The following TDRD7 variants were observed in gnomAD, a reference collection of about 807,000 sequenced individuals.
The protein encoded by TDRD7 is tudor domain-containing protein 7.
TDRD7 carries 47 observed loss-of-function variants against 109.8 expected under a neutral mutation model. The ratio of observed to expected loss-of-function variants is 0.43; its 90% CI spans 0.34 to 0.55. The LOEUF (loss-of-function observed/expected upper bound fraction) is 0.55. TDRD7 is among the 20% of genes least tolerant of loss of function. The pLI, the probability that TDRD7 is intolerant of heterozygous loss-of-function variation, is 0.03. For missense variants in TDRD7, 1,164 were observed against 1,319.2 expected (o/e 0.88, Z 1.82); for synonymous variants, 424 against 457.3 (o/e 0.93, Z 0.93).
Position 97,460,210 on chromosome 9 carries a change from A to T in TDRD7, c.888A>T (p.Leu296Phe). 1 of 1,614,224 alleles carries T rather than the reference A, an allele frequency of 6.2e-7. No individual in the cohort carries two copies. Among genetic ancestry groups the T allele is most frequent in the Non-Finnish European group, 8.5e-7 (1 of 1,180,028 alleles). ...VEKPCSGGQD[L>F]LLYPAKRKQL... ...AACCTTGCAGTGGTGGCCAAGATTT[A>T]CTTCTTTATCCAGCTAAGAGAAAGC... is the stretch of plus-strand genomic sequence containing the variant. The change falls in exon 7 of 17, where the codon TTA becomes TTT. Residue 296 changes from leucine to phenylalanine, a missense_variant. Transcript: ENST00000355295.
intron 1 of TDRD7, among the ~76,000 whole-genome samples, chr9:97,415,275 G>A (rs62557474): frequency 0.072 from 10,964 of 152,214 alleles, 627 homozygotes; most frequent in African/African-American, 0.16. Context: ...GAAAAGAGAA[G>A]GCATAGGATG....
chr9:97,464,777 G>A (rs759444402), intron 7 of TDRD7, 65 bp from the exon 8 acceptor site: 7 of 1,588,098 alleles, frequency 4.4e-6, no homozygotes, highest in Non-Finnish European at 4.3e-6. Context: ...GGACAAAAAC[G>A]AATTCCTATT....
At chr9:97,477,349 T>G (rs1186180625) in intron 12 of TDRD7, among the ~76,000 whole-genome samples, 2 of 152,190 alleles carry the variant, frequency 1.3e-5, no homozygotes, top group African/African-American at 4.8e-5. Flanking sequence ...GGATCCCACA[T>G]TGTCTTTAGT....
chr9:97,482,970 A>C lies in TDRD7; in HGVS notation c.2534A>C (p.Gln845Pro), dbSNP rs745517020. 5 of 1,614,244 alleles carry C rather than the reference A, an allele frequency of 3.1e-6. No individual in the cohort carries two copies. The highest frequency in any genetic ancestry group is 4.2e-6 in the Non-Finnish European group (5 of 1,180,042). ...QITNADLWKH[Q>P]KDVFLSAISS... ...ACAAATGCAGACTTGTGGAAGCATC[A>C]GAAGGATGTGTTTTTGAGTGCCATA... Residue 845 changes from glutamine to proline, a missense_variant, in exon 15 of 17, where the codon CAG becomes CCG. Transcript: ENST00000355295.
intron 6 of TDRD7, among the ~76,000 whole-genome samples, chr9:97,452,675 A>G (rs1441770639): frequency 6.6e-6 from 1 of 152,244 alleles, no homozygotes; most frequent in Non-Finnish European, 1.5e-5. Context: ...AATTCACTTT[A>G]TAGGCTGACT....
intron 7 of TDRD7, among the ~76,000 whole-genome samples, chr9:97,461,140 C>CAAA (rs753213087): frequency 2.2e-5 from 2 of 89,032 alleles, no homozygotes; most frequent in East Asian, 2.8e-4. Flanking sequence ...GACTCCATCT[C>CAAA]AAAAAAAAAA....
At position 97,460,286 on chromosome 9, in the gene TDRD7, C is replaced by A. The variant is rs1208977680; in HGVS notation, c.964C>A (p.Pro322Thr). The change falls in exon 7 of 17, where the codon CCT becomes ACT. Residue 322 changes from proline to threonine, a missense_variant. By Grantham distance (38) the Pro-to-Thr change is conservative (BLOSUM62 -1). Coordinates refer to ENST00000355295, the MANE Select transcript of TDRD7 (RefSeq NM_014290.3). Reference protein sequence around the residue: ...DTEKVPLSPLPGPKQTPPLKG... With the variant: ...DTEKVPLSPLTGPKQTPPLKG... ...TGAGAAAGTACCTCTATCCCCACTA[C>A]CTGGTCCCAAACAAACACCACCGTT... is the stretch of plus-strand genomic sequence containing the variant. 6.2e-7 allele frequency: 1 copy of A among 1,614,096 alleles called. No individual in the cohort carries two copies. The highest frequency in any genetic ancestry group is 8.5e-7 in the Non-Finnish European group (1 of 1,180,048).
chr9:97,462,820 C>G (rs1828749035), intron 7 of TDRD7, among the ~76,000 whole-genome samples: 1 of 152,208 alleles, frequency 6.6e-6, no homozygotes, highest in African/African-American at 2.4e-5. Flanking sequence ...GTGCAGCCCT[C>G]CTTCTCTCCT....
rs1828800798 is a variant in TDRD7 at position 97,465,153 on chromosome 9, G to T, written c.1629+125G>T. On this transcript the variant is annotated intron_variant, in intron 8 of 16. Coordinates refer to ENST00000355295, the MANE Select transcript of TDRD7 (RefSeq NM_014290.3). ...CCTATAATTAAATGTAGTTTTCAATGGAAGTTGAAAAGATAATATCTGTAA... is the reference window on the plus strand; with the variant it reads ...CCTATAATTAAATGTAGTTTTCAATTGAAGTTGAAAAGATAATATCTGTAA... 6.6e-6 allele frequency: 8 copies of T among 1,218,536 alleles called. No homozygotes were observed. The Admixed American group carries it at 1.8e-4, about 27-fold the overall frequency. The allele number at this position is 1,218,536 out of a possible 1,614,324, so 75.5% of individuals were successfully genotyped here. A position where few individuals can be genotyped will look rare whatever the true frequency, so the allele number is the denominator to read the frequency against.
intron 10 of TDRD7, 89 bp downstream of exon 10, chr9:97,472,584 A>T: frequency 9.2e-7 from 1 of 1,092,536 alleles, no homozygotes; most frequent in Non-Finnish European, 1.4e-6. Context: ...CTAACAATTG[A>T]TAGAGACAGA....
Position 97,495,870 on chromosome 9 carries a change from C to G in TDRD7, c.3284C>G (p.Ser1095Ter). 1.2e-6 allele frequency: 2 copies of G among 1,613,932 alleles called. No individual in the cohort carries two copies. The highest frequency in any genetic ancestry group is 1.1e-5 in the South Asian group (1 of 91,074). ...ATGTCAGAGTATCTGATAGAGCTTT[C>G]AAAAGTTAATTAATGACTGCCTCTG... ...DFMSEYLIEL[S>*]KVN Residue 1095 changes from serine (S) to a stop codon, truncating the protein, a stop_gained, in exon 17 of 17, where the codon TCA (serine) becomes TGA (stop). Coordinates refer to ENST00000355295, the MANE Select transcript of TDRD7 (RefSeq NM_014290.3). LOFTEE classifies it high-confidence loss of function.
chr9:97,420,963 T>C (rs964663096), intron 1 of TDRD7, among the ~76,000 whole-genome samples: 1 of 152,052 alleles, frequency 6.6e-6, no homozygotes, highest in Non-Finnish European at 1.5e-5. Flanking sequence ...TGAAACCCCA[T>C]ATCTACCAAA....
At chr9:97,449,863 T>C (rs1026238996) in intron 6 of TDRD7, among the ~76,000 whole-genome samples, 5 of 152,168 alleles carry the variant, frequency 3.3e-5, no homozygotes, top group Admixed American at 1.3e-4. Flanking sequence ...ATTTTAGGAA[T>C]TGTATTTAGG....
At chr9:97,480,427 AT>A (rs61045195) in intron 13 of TDRD7, 14,040 of 185,430 alleles carry the variant, frequency 0.076, 31 homozygotes, top group South Asian at 0.16. Context: ...ATGACAATTG[AT>A]TTTTTTTTTT....
rs959947720 is a variant in TDRD7 at position 97,439,411 on chromosome 9, C to T, written c.637+93C>T. Reference sequence around the variant, plus strand: ...CTTTTGACATTTGCTCTCACCTTCTCCTGTTTGGAATATATCCTTCCTCCC... The same window carrying T: ...CTTTTGACATTTGCTCTCACCTTCTTCTGTTTGGAATATATCCTTCCTCCC... On this transcript the variant is annotated intron_variant, in intron 5 of 16. Transcript: ENST00000355295. The T allele has an allele frequency of 6.8e-6, 7 of 1,036,136 alleles. No individual in the cohort carries two copies. The African/African-American group carries it at 9.5e-5, about 14-fold the overall frequency. The allele number at this position is 1,036,136 out of a possible 1,614,324, so 64.2% of individuals were successfully genotyped here.
intron 16 of TDRD7, among the ~76,000 whole-genome samples, chr9:97,494,712 A>ATATATATATATT (rs1829366591): frequency 1.4e-5 from 1 of 73,492 alleles, no homozygotes; most frequent in Non-Finnish European, 3.0e-5. Context: ...ATATATATAT[A>ATATATATATATT]TTTTTTTTTT....
Position 97,473,612 on chromosome 9 carries a change from T to C in TDRD7, c.2065T>C (p.Tyr689His). 1 of 1,613,740 alleles carries C rather than the reference T, an allele frequency of 6.2e-7. No individual in the cohort carries two copies. Among genetic ancestry groups the C allele is most frequent in the Non-Finnish European group, 8.5e-7 (1 of 1,179,704 alleles). ...TGACCTTCTACGTAAGATAGAGGAC[T>C]ACTTCCATTGCAAGGTATAGCAGAA... ...LSDLLRKIED[Y>H]FHCKHMTSEC... The change falls in exon 11 of 17, where the codon TAC becomes CAC. Residue 689 changes from tyrosine to histidine, a missense_variant. Around this residue, in one of 5 missense-constraint regions of TDRD7, gnomAD observed 261 missense variants for 336.2 expected, o/e 0.78. Coordinates refer to ENST00000355295, the MANE Select transcript of TDRD7 (RefSeq NM_014290.3).
At chr9:97,485,291 G>A (rs1829193903) in intron 15 of TDRD7, among the ~76,000 whole-genome samples, 1 of 152,142 alleles carries the variant, frequency 6.6e-6, no homozygotes, top group Non-Finnish European at 1.5e-5. Flanking sequence ...ATCTTTGCAG[G>A]TGGAGCTCCA....
intron 12 of TDRD7, among the ~76,000 whole-genome samples, chr9:97,476,468 C>G (rs1433819583): frequency 2.0e-5 from 3 of 150,974 alleles, no homozygotes; most frequent in African/African-American, 7.3e-5. Flanking sequence ...ATAATCCCAG[C>G]ACTTTGGGAG....
Sources: allele counts gnomAD v4.1 joint callset (sites outside exome capture counted in the v4.1 genomes callset), GRCh38; gene constraint gnomAD v4.1.1; regional missense constraint gnomAD v4.1.1; transcripts MANE v1.5; gene names NCBI Gene and HGNC (gene_info 2026-07-23, HGNC 2026-07-21).